Variants in EIF3L observed in about 807,000 individuals in gnomAD.
EIF3L encodes eukaryotic translation initiation factor 3 subunit L, also known as eIEF associated protein HSPC021.
Under a neutral mutation model 74.6 loss-of-function variants are expected in EIF3L, and 32 were observed. The observed-to-expected ratio is 0.43, with a 90% confidence interval of 0.32 to 0.58. The LOEUF is 0.58. Ranked by LOEUF, EIF3L falls within the 20% of genes least tolerant of loss-of-function variation. The pLI, the probability that EIF3L is intolerant of heterozygous loss-of-function variation, is 0.06. For missense variants in EIF3L, 474 were observed against 707.8 expected (o/e 0.67, Z 3.75); for synonymous variants, 256 against 254.4 (o/e 1.01, Z -0.06).
At chr22:37,883,958 G>C (rs1927191184) in intron 11 of EIF3L, 1 of 152,072 alleles carries the variant, frequency 6.6e-6, no homozygotes, top group South Asian at 2.1e-4. Context: ...AGAATTCAGT[G>C]GTTATTAGTA....
In EIF3L at chr22:37,874,400, G is replaced by T; in HGVS notation, c.782G>T (p.Gly261Val). 6.2e-7 allele frequency: 1 copy of T among 1,614,040 alleles called. No individual in the cohort carries two copies. ...CCTGAGAGTGTGGCTGGGGAGTATG[G>T]GCGGCACTCCCTCTACAAAATGCTT... is the stretch of plus-strand genomic sequence containing the variant. ...GDPESVAGEY[G>V]RHSLYKMLGY... Residue 261 changes from glycine to valine, a missense_variant, in exon 9 of 13, where the codon GGG (glycine) becomes GTG (valine). Physicochemically the swap from Gly to Val is moderately radical, Grantham distance 109 (BLOSUM62 -3). Around this residue, in one of 4 missense-constraint regions of EIF3L, gnomAD observed 293 missense variants for 469.1 expected, o/e 0.62. Coordinates refer to ENST00000652021, the MANE Select transcript of EIF3L (RefSeq NM_016091.4).
intron 8 of EIF3L, 151 bp downstream of exon 8, chr22:37,870,498 G>A: frequency 1.4e-6 from 1 of 723,690 alleles, no homozygotes; most frequent in Non-Finnish European, 2.1e-6. Context: ...AGTACAAACA[G>A]TAGCAGAGTA....
intron 4 of EIF3L, among the ~76,000 whole-genome samples, chr22:37,858,204 A>G (rs982116795): frequency 2.8e-5 from 4 of 140,400 alleles, no homozygotes; most frequent in African/African-American, 1.1e-4. Context: ...TCTGAAATTA[A>G]TATTTTCTTT....
chr22:37,850,667 T>G (rs1925152816), intron 2 of EIF3L: 1 of 162,800 alleles, frequency 6.1e-6, no homozygotes. Context: ...TGTGAAAAAT[T>G]TAAGTAATTC....
intron 7 of EIF3L, among the ~76,000 whole-genome samples, chr22:37,864,252 G>C (rs901067171): frequency 2.0e-5 from 3 of 152,162 alleles, no homozygotes; most frequent in African/African-American, 7.2e-5. Flanking sequence ...CGAGGGTCTT[G>C]CTGTGTTGCC....
chr22:37,849,590 C>A, intron 1 of EIF3L, 108 bp downstream of exon 1: 1 of 1,277,878 alleles, frequency 7.8e-7, no homozygotes, highest in Admixed American at 2.2e-5. Flanking sequence ...CAGCTCCGGC[C>A]GACCTCCCGC....
chr22:37,861,685 A>G (rs1925866243), intron 5 of EIF3L, among the ~76,000 whole-genome samples: 1 of 148,692 alleles, frequency 6.7e-6, no homozygotes, highest in South Asian at 2.1e-4. Flanking sequence ...CTCCGTCTCA[A>G]AAAAAAAAAA....
At chr22:37,870,142 A>G in intron 7 of EIF3L, 34 bp from the exon 8 acceptor site, 1 of 1,555,862 alleles carries the variant, frequency 6.4e-7, no homozygotes, top group Non-Finnish European at 8.7e-7. Flanking sequence ...TTGGGCTTAT[A>G]CCACTACTGC....
intron 12 of EIF3L, chr22:37,887,825 T>C (rs1927401107): frequency 6.6e-6 from 1 of 152,410 alleles, no homozygotes; most frequent in Non-Finnish European, 1.5e-5. Context: ...CTAGTTCCTG[T>C]AGGCTGGAGG....
At position 37,861,680 on chromosome 22, in the gene EIF3L, T is replaced by C. The variant is rs1405273271; in HGVS notation, c.436-1289T>C. On this transcript the variant is annotated intron_variant, in intron 5 of 12. Transcript: ENST00000652021. ...GCCTAGGCACCAGAGCGAGACTCCG[T>C]CTCAAAAAAAAAAAAAAGTAAAGAT... Among the ~76,000 whole-genome samples the C allele has an allele frequency of 2.0e-5, 3 of 148,464 alleles. No homozygotes were observed. The South Asian group carries it at 6.4e-4, about 32-fold the overall frequency.
intron 9 of EIF3L, among the ~76,000 whole-genome samples, chr22:37,875,124 T>A (rs546757388): frequency 6.6e-6 from 1 of 150,678 alleles, no homozygotes; most frequent in South Asian, 2.1e-4. Flanking sequence ...ATCCCAGCAG[T>A]TTGGGAGGCT....
At position 37,874,717 on chromosome 22, in the gene EIF3L, C is replaced by T. The variant is rs532767735; in HGVS notation, c.906+193C>T. 1.1e-4 allele frequency among the ~76,000 whole-genome samples: 17 copies of T among 152,040 alleles called. No individual in the cohort carries two copies. In the East Asian group the frequency reaches 3.3e-3, roughly 30 times the overall value. On this transcript the variant is annotated intron_variant, in intron 9 of 12. Coordinates refer to ENST00000652021, the MANE Select transcript of EIF3L (RefSeq NM_016091.4). ...CCTGGACGATTTTGGTAGTTAACAACAGTTTTTTATTTTGTTTTCAAAATG... is the reference window on the plus strand; with the variant it reads ...CCTGGACGATTTTGGTAGTTAACAATAGTTTTTTATTTTGTTTTCAAAATG...
chr22:37,859,482 C>T (rs931485059), intron 5 of EIF3L, among the ~76,000 whole-genome samples: 113 of 150,490 alleles, frequency 7.5e-4, no homozygotes, highest in African/African-American at 2.6e-3. Flanking sequence ...CCCAGGTTCA[C>T]GCCATTCTCC....
At chr22:37,864,156 A>C (rs1371598988) in intron 7 of EIF3L, among the ~76,000 whole-genome samples, 1 of 152,136 alleles carries the variant, frequency 6.6e-6, no homozygotes, top group Non-Finnish European at 1.5e-5. Flanking sequence ...TCCTGGGTTC[A>C]AGTGATTTTC....
At chr22:37,857,390 A>C (rs955024675) in intron 4 of EIF3L, among the ~76,000 whole-genome samples, 2 of 151,150 alleles carry the variant, frequency 1.3e-5, no homozygotes, top group Admixed American at 6.6e-5. Context: ...AAAAAAAAAA[A>C]AACCAATATT....
chr22:37,868,659 T>TTTTTTTA (rs1926307359), intron 7 of EIF3L, among the ~76,000 whole-genome samples: 7 of 114,426 alleles, frequency 6.1e-5, no homozygotes, highest in Non-Finnish European at 1.0e-4. Context: ...TTTTTTTTTT[T>TTTTTTTA]GAGACGGAGT....
At chr22:37,875,759 G>A in intron 9 of EIF3L, 82 bp from the exon 10 acceptor site, 2 of 1,405,444 alleles carry the variant, frequency 1.4e-6, no homozygotes, top group Non-Finnish European at 2.0e-6. Flanking sequence ...GCCTCTGCAG[G>A]GAAAACTCTT....
chr22:37,850,458 T>A (rs1395436356), intron 2 of EIF3L: 1 of 217,160 alleles, frequency 4.6e-6, no homozygotes, highest in Non-Finnish European at 9.7e-6. Context: ...TGTCTCAGCC[T>A]CCTGAGTAGC....
intron 2 of EIF3L, 42 bp from the exon 3 acceptor site, chr22:37,851,238 T>A (rs1407425745): frequency 6.4e-7 from 1 of 1,571,178 alleles, no homozygotes; most frequent in Admixed American, 1.7e-5. Flanking sequence ...ATCATATATG[T>A]GGGTTTGAGC....
Sources: gnomAD v4.1 joint callset for allele counts (sites outside exome capture counted in the v4.1 genomes callset) on GRCh38, gnomAD v4.1.1 for gene constraint, gnomAD v4.1.1 regional missense constraint, MANE v1.5 for transcripts, NCBI Gene and HGNC (gene_info 2026-07-23, HGNC 2026-07-21) for gene names.